CSGALNACT2: variants seen among roughly 807,000 people sequenced by gnomAD.
CSGALNACT2 encodes chondroitin sulfate N-acetylgalactosaminyltransferase 2.
Under a neutral mutation model 55.3 loss-of-function variants are expected in CSGALNACT2, and 35 were observed. That is an observed-to-expected ratio of 0.63 (90% confidence interval 0.48 to 0.84). CSGALNACT2 has a LOEUF of 0.84. Among genes scored for constraint, CSGALNACT2 ranks in the 40% least tolerant of loss-of-function variants. CSGALNACT2 has a pLI of 0.00. For missense variants in CSGALNACT2, 544 were observed against 657.5 expected, an observed-to-expected ratio of 0.83 and a Z score of 1.89; for synonymous variants, 196 against 224.9, an observed-to-expected ratio of 0.87 and a Z score of 1.15.
chr10:43,168,710 G>A lies in CSGALNACT2; in HGVS notation c.1254+1612G>A, dbSNP rs1451703782. Among the ~76,000 whole-genome samples the A allele has an allele frequency of 6.4e-5, 9 of 140,606 alleles. 1 individual carries two copies. In the Admixed American group the frequency reaches 6.4e-4, roughly 10 times the overall value. The allele number at this position is 140,606 out of a possible 152,430, so 92.2% of individuals were successfully genotyped here. A position where few individuals can be genotyped will look rare whatever the true frequency, so the allele number is the denominator to read the frequency against. ...CACACACACACACACACACACACAC[G>A]CCTCTACCTTATCTATAGGCCAGTA... is the stretch of plus-strand genomic sequence containing the variant. On this transcript the variant is annotated intron_variant, in intron 6 of 7. Coordinates refer to ENST00000374466, the MANE Select transcript of CSGALNACT2 (RefSeq NM_018590.5).
In CSGALNACT2 at chr10:43,183,511, C is replaced by T. The variant is rs55905621; in HGVS notation, c.1598C>T (p.Ala533Val). The T allele has an allele frequency of 1.9e-6, 3 of 1,614,114 alleles. No homozygotes were observed. Among genetic ancestry groups the T allele is most frequent in the Non-Finnish European group, 2.5e-6 (3 of 1,179,972 alleles). Residue 533 changes from alanine to valine, a missense_variant, in exon 8 of 8, where the codon GCA (alanine) becomes GTA (valine). By Grantham distance (64) the Ala-to-Val change is moderately conservative (BLOSUM62 0). Around this residue, in one of 2 missense-constraint regions of CSGALNACT2, gnomAD observed 170 missense variants for 256.2 expected, o/e 0.66. Coordinates refer to ENST00000374466, the MANE Select transcript of CSGALNACT2 (RefSeq NM_018590.5). ...EEIETHLHKQAYRTNSEAVG is the reference protein window; with the variant it reads ...EEIETHLHKQVYRTNSEAVG ...ATAGAGACGCATCTTCATAAACAGG[C>T]ATACAGGACAAACAGTGAAGCTGTT...
chr10:43,176,093 C>A, intron 7 of CSGALNACT2, 61 bp downstream of exon 7: 3 of 1,333,908 alleles, frequency 2.2e-6, no homozygotes, highest in South Asian at 2.7e-5. Flanking sequence ...TGGTATTTTG[C>A]TAAAAGGTCT....
intron 1 of CSGALNACT2, among the ~76,000 whole-genome samples, chr10:43,142,965 A>G (rs1838662256): frequency 6.6e-6 from 1 of 152,242 alleles, no homozygotes; most frequent in South Asian, 2.1e-4. Flanking sequence ...AATAATATCT[A>G]ACAGTTACTG....
chr10:43,166,847 A>G (rs769611825), intron 5 of CSGALNACT2, among the ~76,000 whole-genome samples, 157 bp from the exon 6 acceptor site: 1 of 152,240 alleles, frequency 6.6e-6, no homozygotes, highest in Non-Finnish European at 1.5e-5. Flanking sequence ...CAAAATCATC[A>G]TATTCATCAA....
chr10:43,158,607 G>T (rs2133118839), intron 2 of CSGALNACT2, 108 bp from the exon 3 acceptor site: 1 of 640,302 alleles, frequency 1.6e-6, no homozygotes, highest in Non-Finnish European at 2.8e-6. Context: ...TAAAAATCCT[G>T]CAGGTCTAGT....
chr10:43,155,735 G>A lies in CSGALNACT2; in HGVS notation c.586G>A (p.Glu196Lys). ...CTTGGAGGTCATTAATAATCCTGAT[G>A]AAGATGATGAACAAGAAGATGAGGA... ...AGLEVINNPD[E>K]DDEQEDEEGP... Residue 196 changes from glutamate (E) to lysine (K), a missense_variant, in exon 2 of 8, where the codon GAA becomes AAA. Glu to Lys is a moderately conservative substitution (Grantham distance 56). Coordinates refer to ENST00000374466, the MANE Select transcript of CSGALNACT2 (RefSeq NM_018590.5). 1.2e-6 allele frequency: 2 copies of A among 1,614,142 alleles called. No individual in the cohort carries two copies. Among genetic ancestry groups the A allele is most frequent in the Admixed American group, 1.7e-5 (1 of 60,028 alleles).
At position 43,155,328 on chromosome 10, in the gene CSGALNACT2, T is replaced by C. The variant is rs753717102; in HGVS notation, c.179T>C (p.Leu60Pro). The change falls in exon 2 of 8, where the codon CTC becomes CCC. Residue 60 changes from leucine to proline, a missense_variant. Coordinates refer to ENST00000374466, the MANE Select transcript of CSGALNACT2 (RefSeq NM_018590.5). The part of the protein sequence containing the change: ...ENYGKEYYQA[L>P]LQEQEEHYQT... The stretch of plus-strand genomic sequence containing the variant: ...TATGGTAAAGAGTATTATCAAGCCC[T>C]CCTACAGGAACAAGAAGAACATTAT... 2 of 1,614,116 alleles carry C rather than the reference T, an allele frequency of 1.2e-6. No homozygotes were observed. Among genetic ancestry groups the C allele is most frequent in the South Asian group, 2.2e-5 (2 of 91,082 alleles).
At chr10:43,170,585 GA>G (rs1364338605) in intron 6 of CSGALNACT2, among the ~76,000 whole-genome samples, 10 of 152,140 alleles carry the variant, frequency 6.6e-5, no homozygotes, top group African/African-American at 2.4e-4. Context: ...GTGAGTGAAT[GA>G]GCAGATAAAT....
chr10:43,163,952 G>T lies in CSGALNACT2; in HGVS notation c.1067G>T (p.Trp356Leu). Residue 356 changes from tryptophan (W) to leucine (L), a missense_variant, in exon 5 of 8, where the codon TGG (tryptophan) becomes TTG (leucine). Trp to Leu is a moderately conservative substitution (Grantham distance 61). Transcript: ENST00000374466. ...GRGLNVGARA[W>L]DKGEVLMFFC... ...GGACTAAATGTGGGTGCCCGAGCTT[G>T]GGACAAGGGAGAGGTCTTGATGTTT... The T allele has an allele frequency of 6.2e-7, 1 of 1,614,136 alleles. No individual in the cohort carries two copies. The highest frequency in any genetic ancestry group is 8.5e-7 in the Non-Finnish European group (1 of 1,180,026).
intron 6 of CSGALNACT2, among the ~76,000 whole-genome samples, chr10:43,171,724 G>A (rs1839386616): frequency 6.6e-6 from 1 of 152,212 alleles, no homozygotes; most frequent in African/African-American, 2.4e-5. Flanking sequence ...TTCATTCTAG[G>A]TGTTGCATAG....
rs1838962669 is a variant in CSGALNACT2, at chr10:43,155,073, TA to T, written c.-75del. 26 of 1,221,610 alleles carry T rather than the reference TA, an allele frequency of 2.1e-5. No homozygotes were observed. In the South Asian group the frequency reaches 3.9e-4, roughly 18 times the overall value. The allele number at this position is 1,221,610 out of a possible 1,614,324, so 75.7% of individuals were successfully genotyped here. On this transcript the variant is annotated 5_prime_UTR_variant, in exon 2 of 8. It introduces an in-frame stop codon into an upstream open reading frame of the 5' UTR. Transcript: ENST00000374466. ...TTTATGGAAATTCTGATTTTGTTTTTAATTTTTGATAACTTTTTACTAAAGG... is the reference window on the plus strand; with the variant it reads ...TTTATGGAAATTCTGATTTTGTTTTTATTTTTGATAACTTTTTACTAAAGG...
At chr10:43,149,105 T>C (rs1308459216) in intron 1 of CSGALNACT2, among the ~76,000 whole-genome samples, 3 of 152,168 alleles carry the variant, frequency 2.0e-5, no homozygotes, top group African/African-American at 7.2e-5. Context: ...TTTTTTGAGA[T>C]GGAGTCTCGC....
Position 43,175,951 on chromosome 10 carries a change from G to C in CSGALNACT2, c.1255G>C (p.Val419Leu), listed in dbSNP as rs116694433. Residue 419 changes from valine (V) to leucine (L), a missense_variant and splice_region_variant, in exon 7 of 8, where the codon GTT (valine) becomes CTT (leucine). This residue lies in a region of CSGALNACT2 where 170 missense variants were observed against 256.2 expected (regional missense o/e 0.66). Transcript: ENST00000374466. The stretch of plus-strand genomic sequence containing the variant: ...TTCTGTTTTTTTTTTTTTAACTAAG[G>C]TTCACAAAAAGGATTCTGGCTTTTG... Reference protein sequence around the residue: ...EVPPPVEQQLVHKKDSGFWRD... With the variant: ...EVPPPVEQQLLHKKDSGFWRD... 1 of 1,588,160 alleles carries C rather than the reference G, an allele frequency of 6.3e-7. No individual in the cohort carries two copies. The highest frequency in any genetic ancestry group is 8.5e-7 in the Non-Finnish European group (1 of 1,171,462).
Position 43,158,970 on chromosome 10 carries a change from A to T in CSGALNACT2, c.878+39A>T, listed in dbSNP as rs545980760. 15 of 1,190,434 alleles carry T rather than the reference A, an allele frequency of 1.3e-5. No individual in the cohort carries two copies. The East Asian group carries it at 2.4e-4, about 19-fold the overall frequency. The allele number at this position is 1,190,434 out of a possible 1,614,324, so 73.7% of individuals were successfully genotyped here. A position where few individuals can be genotyped will look rare whatever the true frequency, so the allele number is the denominator to read the frequency against. On this transcript the variant is annotated intron_variant, in intron 3 of 7. Transcript: ENST00000374466. Reference sequence around the variant, plus strand: ...CTTAATGATTAAGCTACATTCTCCTAAAAAAAATCACGTTTTACTCAGATT... The same window carrying T: ...CTTAATGATTAAGCTACATTCTCCTTAAAAAAATCACGTTTTACTCAGATT...
chr10:43,147,992 C>T (rs185724817), intron 1 of CSGALNACT2, among the ~76,000 whole-genome samples: 1 of 152,182 alleles, frequency 6.6e-6, no homozygotes. Flanking sequence ...AATATTTACA[C>T]ATAGGTTTTG....
At chr10:43,166,745 C>T (rs1192453601) in intron 5 of CSGALNACT2, among the ~76,000 whole-genome samples, 2 of 152,096 alleles carry the variant, frequency 1.3e-5, no homozygotes, top group African/African-American at 2.4e-5. Flanking sequence ...TACACATCTC[C>T]CCAAAGTCAA....
chr10:43,163,240 T>TGTTC, intron 4 of CSGALNACT2: 1 of 980,636 alleles, frequency 1.0e-6, no homozygotes, highest in South Asian at 4.7e-5. Context: ...TCAGAACTGC[T>TGTTC]GTTCATTCAT....
chr10:43,149,735 G>A (rs1171078824), intron 1 of CSGALNACT2, among the ~76,000 whole-genome samples: 2 of 152,116 alleles, frequency 1.3e-5, no homozygotes, highest in Non-Finnish European at 2.9e-5. Context: ...GGAAGAGTCT[G>A]TGAAGATAAT....
intron 7 of CSGALNACT2, among the ~76,000 whole-genome samples, chr10:43,181,394 G>A (rs147690907): frequency 5.6e-4 from 85 of 152,286 alleles, no homozygotes; most frequent in African/African-American, 1.9e-3. Context: ...TTGTTAGGAT[G>A]GAGTGATGAC....
Sources: allele counts gnomAD v4.1 joint callset (sites outside exome capture counted in the v4.1 genomes callset), GRCh38; gene constraint gnomAD v4.1.1; regional missense constraint gnomAD v4.1.1; transcripts MANE v1.5; gene names NCBI Gene and HGNC (gene_info 2026-07-23, HGNC 2026-07-21).